The following PLEKHA6 variants were observed in gnomAD, a reference collection of about 807,000 sequenced individuals.
PLEKHA6 encodes the protein pleckstrin homology domain-containing family A member 6.
A neutral mutation model predicts 116.7 loss-of-function variants in PLEKHA6; 60 were observed. That is an observed-to-expected ratio of 0.51 (90% confidence interval 0.42 to 0.64). The LOEUF (loss-of-function observed/expected upper bound fraction) is 0.64, where lower values mean the gene tolerates loss of function less well. Among genes scored for constraint, PLEKHA6 ranks in the 30% least tolerant of loss-of-function variants. PLEKHA6 has a pLI of 0.00. For missense variants in PLEKHA6, 1,338 were observed against 1,422.7 expected (o/e 0.94, Z 0.96); for synonymous variants, 489 against 556.1 (o/e 0.88, Z 1.70).
intron 17 of PLEKHA6, among the ~76,000 whole-genome samples, chr1:204,234,862 G>A (rs1040456327): frequency 4.0e-5 from 6 of 150,406 alleles, no homozygotes; most frequent in African/African-American, 1.5e-4. Context: ...TTCAGTTTTG[G>A]GACTTGGACT....
intron 1 of PLEKHA6, among the ~76,000 whole-genome samples, chr1:204,330,806 T>A (rs1332542255): frequency 3.3e-5 from 5 of 152,176 alleles, no homozygotes; most frequent in African/African-American, 1.2e-4. Context: ...GAAGCACCCC[T>A]CCTTCCCTAG....
At position 204,321,361 on chromosome 1, in the gene PLEKHA6, T is replaced by C. The variant is rs1672055223; in HGVS notation, c.-95+38333A>G. On this transcript the variant is annotated intron_variant, in intron 1 of 22. Transcript: ENST00000272203. ...ATTGTGCCCCATGTCTGCTTATAAC[T>C]TTTAAAGGATTAAGTTCAGCCTCCT... is the stretch of plus-strand genomic sequence containing the variant. 6.6e-5 allele frequency among the ~76,000 whole-genome samples: 10 copies of C among 152,180 alleles called. 1 individual carries two copies. In the South Asian group the frequency reaches 2.1e-3, roughly 32 times the overall value.
In PLEKHA6 at chr1:204,336,500, C is replaced by T. The variant is rs529943794; in HGVS notation, c.-95+23194G>A. Among the ~76,000 whole-genome samples, 7 of 152,184 alleles carry T rather than the reference C, an allele frequency of 4.6e-5. No individual in the cohort carries two copies. The East Asian group carries it at 1.2e-3, about 25-fold the overall frequency. ...AGTCACTGGTGCCACAGGAATTCAG[C>T]GGAAGGAGAGGTTAGTTCTAGCTGA... is the stretch of plus-strand genomic sequence containing the variant. On this transcript the variant is annotated intron_variant, in intron 1 of 22. Coordinates refer to ENST00000272203, the MANE Select transcript of PLEKHA6 (RefSeq NM_014935.5).
At chr1:204,372,802 T>C (rs1038329270) in intron 1 of PLEKHA6, among the ~76,000 whole-genome samples, 3 of 152,170 alleles carry the variant, frequency 2.0e-5, no homozygotes, top group Admixed American at 6.5e-5. Context: ...AACTGATTTG[T>C]TTTCTGTTAC....
In PLEKHA6 at chr1:204,257,558, G is replaced by A; in HGVS notation, c.1319C>T (p.Ala440Val). Residue 440 changes from alanine (A) to valine (V), a missense_variant, in exon 9 of 23, where the codon GCC becomes GTC. Physicochemically the swap from Ala to Val is moderately conservative, Grantham distance 64. Transcript: ENST00000272203. This position sits in a 1 kb window ranked among gnomAD's most constrained non-coding sequence, Gnocchi z 6.5. ...QPVYYDELDA[A>V]SSSLRRLSLQ... ...GGACAGGCGGCGCAGGGAGCTAGAG[G>A]CGGCATCCAGCTCATCATAATAGAC... 1 of 1,601,100 alleles carries A rather than the reference G, an allele frequency of 6.2e-7. No individual in the cohort carries two copies. Among genetic ancestry groups the A allele is most frequent in the South Asian group, 1.1e-5 (1 of 89,236 alleles).
intron 1 of PLEKHA6, among the ~76,000 whole-genome samples, chr1:204,314,527 A>T (rs1346390732): frequency 1.3e-5 from 2 of 152,196 alleles, no homozygotes; most frequent in East Asian, 1.9e-4. Flanking sequence ...TGGCCTGGGG[A>T]TGGTCTAACC....
chr1:204,243,374 G>T (rs1663132963), intron 15 of PLEKHA6: 1 of 398,674 alleles, frequency 2.5e-6, no homozygotes, highest in African/African-American at 2.1e-5. Context: ...AGACCTGGGT[G>T]GGCCCCTGGG....
At chr1:204,317,333 A>ATCGCTGATTGTTATCTT in intron 1 of PLEKHA6, 1 of 269,816 alleles carries the variant, frequency 3.7e-6, no homozygotes, top group Non-Finnish European at 5.7e-6. Flanking sequence ...ATAAGATAAC[A>ATCGCTGATTGTTATCTT]ATCAGCGATG....
At chr1:204,287,971 G>T (rs1669368190) in intron 1 of PLEKHA6, among the ~76,000 whole-genome samples, 1 of 152,166 alleles carries the variant, frequency 6.6e-6, no homozygotes, top group Admixed American at 6.5e-5. Context: ...CTGGAATCTG[G>T]CCTCAAGCTG....
chr1:204,377,215 G>A (rs1173858284), intron 1 of PLEKHA6, among the ~76,000 whole-genome samples: 1 of 152,084 alleles, frequency 6.6e-6, no homozygotes, highest in Non-Finnish European at 1.5e-5. Flanking sequence ...AAAGTCTCGG[G>A]GAAAATGAAA....
Position 204,277,398 on chromosome 1 carries a change from G to A in PLEKHA6, c.-94-2589C>T, listed in dbSNP as rs1052271609. ...CTGAAATGGAGAGACAGGCATACACGGAGCAGGTGTAGCACTCCCAGGTAG... is the reference window on the plus strand; with the variant it reads ...CTGAAATGGAGAGACAGGCATACACAGAGCAGGTGTAGCACTCCCAGGTAG... On this transcript the variant is annotated intron_variant, in intron 1 of 22. Transcript: ENST00000272203. This position sits in a 1 kb window ranked among gnomAD's most constrained non-coding sequence, Gnocchi z 4.1. 1.3e-5 allele frequency among the ~76,000 whole-genome samples: 2 copies of A among 152,158 alleles called. No individual in the cohort carries two copies. The highest frequency in any genetic ancestry group is 2.4e-5 in the African/African-American group (1 of 41,428).
upstream of PLEKHA6, among the ~76,000 whole-genome samples, chr1:204,361,884 G>T (rs1052779039): frequency 6.6e-6 from 1 of 152,222 alleles, no homozygotes; most frequent in African/African-American, 2.4e-5. Flanking sequence ...AGGCCGGGGA[G>T]GGGGACAGAG....
rs148524160 is a variant in PLEKHA6 at position 204,275,635 on chromosome 1, G to A, written c.-94-826C>T. ...GGCTCCTCCGGCTGGCTGAGTGTCA[G>A]GACAGTTCCCCAGGAGGCTCTCAGG... On this transcript the variant is annotated intron_variant, in intron 1 of 22. Transcript: ENST00000272203. 470 of 901,270 alleles carry A rather than the reference G, an allele frequency of 5.2e-4. 1 individual carries two copies. In the African/African-American group the frequency reaches 6.2e-3, roughly 12 times the overall value. 55.8% of individuals were successfully genotyped at this position (901,270 alleles called of 1,614,324 possible).
At chr1:204,285,601 C>T (rs1472687801) in intron 1 of PLEKHA6, among the ~76,000 whole-genome samples, 1 of 152,080 alleles carries the variant, frequency 6.6e-6, no homozygotes, top group Non-Finnish European at 1.5e-5. Flanking sequence ...TCAGCCTCCC[C>T]AGTAGCTGGA....
chr1:204,345,653 G>A (rs1410790638), intron 1 of PLEKHA6, among the ~76,000 whole-genome samples: 4 of 145,608 alleles, frequency 2.7e-5, no homozygotes, highest in Non-Finnish European at 4.5e-5. Context: ...GTACTAGAGA[G>A]CTGGTGGAGG....
intron 13 of PLEKHA6, 59 bp downstream of exon 13, chr1:204,247,306 G>T: frequency 2.8e-6 from 3 of 1,056,670 alleles, no homozygotes; most frequent in African/African-American, 1.6e-5. Context: ...TTGTCTCGAG[G>T]CCAACTCCTC....
At chr1:204,293,455 C>A (rs943355002) in intron 1 of PLEKHA6, among the ~76,000 whole-genome samples, 1 of 151,990 alleles carries the variant, frequency 6.6e-6, no homozygotes, top group South Asian at 2.1e-4. Flanking sequence ...TATTTTAACG[C>A]GATATTTTTG....
chr1:204,322,702 A>G (rs1246873440), intron 1 of PLEKHA6, among the ~76,000 whole-genome samples: 1 of 152,174 alleles, frequency 6.6e-6, no homozygotes, highest in East Asian at 1.9e-4. Context: ...TGCACCAGCC[A>G]TAATCACACT....
upstream of PLEKHA6, chr1:204,377,764 G>C (rs955446401): frequency 7.1e-6 from 1 of 139,996 alleles, no homozygotes. Flanking sequence ...CCCCCTTCCA[G>C]AGGCCGTGGT....
Sources: allele counts gnomAD v4.1 joint callset (sites outside exome capture counted in the v4.1 genomes callset), GRCh38; gene constraint gnomAD v4.1.1; non-coding constraint Gnocchi (gnomAD v3.1); transcripts MANE v1.5; gene names NCBI Gene and HGNC (gene_info 2026-07-23, HGNC 2026-07-21).